HIP1: variants seen among roughly 807,000 people sequenced by gnomAD.
HIP1 encodes huntingtin interacting protein 1.
A neutral mutation model predicts 147.6 loss-of-function variants in HIP1; 65 were observed. The observed-to-expected ratio is 0.44, with a 90% CI of 0.36 to 0.54. HIP1 has a LOEUF of 0.54. Ranked by LOEUF, HIP1 falls within the 20% of genes least tolerant of loss-of-function variation. The pLI is 0.00. For missense variants in HIP1, 1,061 were observed against 1,299.6 expected (o/e 0.82, Z 2.82); for synonymous variants, 479 against 504.0 (o/e 0.95, Z 0.67).
chr7:75,542,621 C>G (rs1353725258), intron 28 of HIP1, among the ~76,000 whole-genome samples: 5 of 152,176 alleles, frequency 3.3e-5, no homozygotes, highest in African/African-American at 1.2e-4. Context: ...ATCGTGTGAA[C>G]CAGGGAGGTG....
At chr7:75,696,706 T>C (rs1800651813) in intron 1 of HIP1, among the ~76,000 whole-genome samples, 1 of 150,492 alleles carries the variant, frequency 6.6e-6, no homozygotes, top group Non-Finnish European at 1.5e-5. Flanking sequence ...GTTCAAGTGA[T>C]TCTTGTGCCT....
chr7:75,714,167 G>A (rs966285227), intron 1 of HIP1, among the ~76,000 whole-genome samples: 15 of 151,520 alleles, frequency 9.9e-5, no homozygotes, highest in African/African-American at 3.4e-4. Context: ...AGCCTCCCAA[G>A]TAGGTGGGAC....
chr7:75,562,938 C>T lies in HIP1; in HGVS notation c.1017G>A (p.Gln339=). Residue 339 remains glutamine, a synonymous_variant, in exon 11 of 31, where the codon CAG becomes CAA. Transcript: ENST00000336926. ...TTCTCTCCCAAGTGGTCCTCACCTG[C>T]TGAGAGGCATCCATGTCCATGAGGT... ...KDDLMDMDAS[Q]QNLFDNKFDD... The T allele has an allele frequency of 6.2e-7, 1 of 1,614,174 alleles. No homozygotes were observed. Among genetic ancestry groups the T allele is most frequent in the Non-Finnish European group, 8.5e-7 (1 of 1,180,026 alleles).
chr7:75,635,577 CAAAAAA>C (rs144914669), intron 1 of HIP1, among the ~76,000 whole-genome samples: 1 of 69,824 alleles, frequency 1.4e-5, no homozygotes. Flanking sequence ...GACTCCATCT[CAAAAAA>C]AAAAAAAAAA....
chr7:75,538,938 C>T (rs1246448833), intron 30 of HIP1, among the ~76,000 whole-genome samples: 2 of 152,266 alleles, frequency 1.3e-5, no homozygotes, highest in Non-Finnish European at 2.9e-5. Context: ...TAGACAGAAC[C>T]TTGTAATTCA....
intron 1 of HIP1, among the ~76,000 whole-genome samples, chr7:75,706,477 T>TTTA (rs1554519733): frequency 6.9e-6 from 1 of 145,490 alleles, no homozygotes; most frequent in Admixed American, 6.7e-5. Context: ...TATCTTCTTT[T>TTTA]TTTTTATTTT....
At chr7:75,611,565 G>C (rs1554504960) in intron 1 of HIP1, 1 of 462,244 alleles carries the variant, frequency 2.2e-6, no homozygotes, top group Non-Finnish European at 2.9e-6. Context: ...GCTCTCTGAA[G>C]GACATCATTT....
In HIP1 at chr7:75,676,753, G is replaced by A. The variant is rs568286877; in HGVS notation, c.120+62048C>T. On this transcript the variant is annotated intron_variant, in intron 1 of 30. Transcript: ENST00000336926. ...ATCGTGCCATTGCACTCCAGCCTGG[G>A]CAAAAAGAATGAAACTCCATCTCAA... Among the ~76,000 whole-genome samples the A allele has an allele frequency of 6.9e-5, 10 of 145,618 alleles. No homozygotes were observed. The South Asian group carries it at 2.2e-3, about 32-fold the overall frequency.
At chr7:75,581,367 C>A (rs1243596117) in intron 6 of HIP1, 69 bp from the exon 7 acceptor site, 9 of 1,133,426 alleles carry the variant, frequency 7.9e-6, no homozygotes, top group South Asian at 3.9e-5. Flanking sequence ...TCCCCTCCCC[C>A]ACGCTCTACG....
intron 1 of HIP1, among the ~76,000 whole-genome samples, chr7:75,674,763 T>C (rs1233653901): frequency 6.6e-6 from 1 of 151,978 alleles, no homozygotes; most frequent in Non-Finnish European, 1.5e-5. Context: ...AGTGCTGGGA[T>C]TACAGGCGTG....
At chr7:75,571,607 C>T (rs369085985) in intron 8 of HIP1, among the ~76,000 whole-genome samples, 17 of 151,924 alleles carry the variant, frequency 1.1e-4, no homozygotes, top group South Asian at 2.1e-4. Flanking sequence ...TTTTTAGGCA[C>T]GGTCTCGTTC....
intron 1 of HIP1, among the ~76,000 whole-genome samples, chr7:75,707,670 G>A (rs1433614678): frequency 6.7e-6 from 1 of 149,652 alleles, no homozygotes; most frequent in Non-Finnish European, 1.5e-5. Context: ...GAACAAAGCT[G>A]GAGGCATCAC....
chr7:75,706,876 T>C (rs1350936528), intron 1 of HIP1, among the ~76,000 whole-genome samples: 1 of 63,856 alleles, frequency 1.6e-5, no homozygotes, highest in African/African-American at 6.6e-5. Flanking sequence ...AGTGAGAATA[T>C]GCGGTGTTTG....
At position 75,623,799 on chromosome 7, in the gene HIP1, G is replaced by A. The variant is rs587764347; in HGVS notation, c.121-24552C>T. Reference sequence around the variant, plus strand: ...AAAGTGTTTGAGGCTGGGCACAGTGGCTCACGCTTGTAATCCCAGCACTTT... The same window carrying A: ...AAAGTGTTTGAGGCTGGGCACAGTGACTCACGCTTGTAATCCCAGCACTTT... On this transcript the variant is annotated intron_variant, in intron 1 of 30. Coordinates refer to ENST00000336926, the MANE Select transcript of HIP1 (RefSeq NM_005338.7). Among the ~76,000 whole-genome samples, 4 of 152,304 alleles carry A rather than the reference G, an allele frequency of 2.6e-5. No individual in the cohort carries two copies. The East Asian group carries it at 7.7e-4, about 29-fold the overall frequency.
In HIP1 at chr7:75,615,687, C is replaced by T. The variant is rs587761782; in HGVS notation, c.121-16440G>A. 4.8e-4 allele frequency among the ~76,000 whole-genome samples: 73 copies of T among 151,848 alleles called. 1 individual carries two copies. Among genetic ancestry groups the T allele is most frequent in the African/African-American group, 1.4e-3 (57 of 41,388 alleles). On this transcript the variant is annotated intron_variant, in intron 1 of 30. Coordinates refer to ENST00000336926, the MANE Select transcript of HIP1 (RefSeq NM_005338.7). ...ACTTTAGGAGATTGAGGTGGAGGAT[C>T]GATTGAGCCCAGGAGGTGGAGGTTG...
chr7:75,699,005 C>T (rs1554518985), intron 1 of HIP1, among the ~76,000 whole-genome samples: 2 of 151,872 alleles, frequency 1.3e-5, no homozygotes, highest in Non-Finnish European at 1.5e-5. Flanking sequence ...GGAAGGGACG[C>T]CTTTCACTTT....
chr7:75,597,739 C>A (rs1356559151), intron 2 of HIP1, among the ~76,000 whole-genome samples: 159 of 75,408 alleles, frequency 2.1e-3, no homozygotes, highest in East Asian at 3.5e-3. Flanking sequence ...GACTCTGTCT[C>A]AAAAAAAAAA....
intron 6 of HIP1, 148 bp downstream of exon 6, chr7:75,581,926 TA>T: frequency 1.6e-6 from 1 of 622,060 alleles, no homozygotes. Flanking sequence ...CACCAATAAA[TA>T]AGTAGCCCCA....
At chr7:75,598,189 G>C (rs1178159557) in intron 2 of HIP1, among the ~76,000 whole-genome samples, 1 of 152,054 alleles carries the variant, frequency 6.6e-6, no homozygotes, top group Non-Finnish European at 1.5e-5. Context: ...CTGAGGCCAG[G>C]CGTTCAAGGC....
Sources: allele counts gnomAD v4.1 joint callset (sites outside exome capture counted in the v4.1 genomes callset), GRCh38; gene constraint gnomAD v4.1.1; transcripts MANE v1.5; gene names NCBI Gene and HGNC (gene_info 2026-07-23, HGNC 2026-07-21).